ETV5: variants seen among roughly 807,000 people sequenced by gnomAD.
ETV5 encodes the protein ETS translocation variant 5.
In ETV5, 10 loss-of-function variants were observed where a neutral mutation model predicts 70.0. The ratio of observed to expected loss-of-function variants is 0.14; its 90% CI spans 0.09 to 0.24. ETV5 has a LOEUF of 0.24. Ranked by LOEUF, ETV5 falls within the 10% of genes least tolerant of loss-of-function variation. ETV5 has a pLI of 1.00. For missense variants in ETV5, 453 were observed against 651.2 expected (o/e 0.70, Z 3.31); for synonymous variants, 216 against 242.2 (o/e 0.89, Z 1.01).
At chr3:186,072,192 C>T (rs1310426314) in intron 7 of ETV5, among the ~76,000 whole-genome samples, 1 of 151,774 alleles carries the variant, frequency 6.6e-6, no homozygotes, top group African/African-American at 2.4e-5. Flanking sequence ...ACCAGCCTGG[C>T]CAACACGGTG....
chr3:186,106,020 T>A (rs972852009), intron 1 of ETV5, 78 bp from the exon 2 acceptor site: 2 of 1,057,332 alleles, frequency 1.9e-6, no homozygotes, highest in African/African-American at 1.6e-5. Context: ...GCCTTTTTTT[T>A]AGGGCCTGTG....
At chr3:186,095,164 G>A (rs2150153399) in intron 5 of ETV5, 1 of 152,300 alleles carries the variant, frequency 6.6e-6, no homozygotes, top group South Asian at 2.1e-4. Context: ...TGAGAAAGAG[G>A]TCTAAGGAAA....
At chr3:186,079,169 C>G (rs1713870080) in intron 7 of ETV5, 1 of 870,090 alleles carries the variant, frequency 1.1e-6, no homozygotes, top group East Asian at 5.3e-5. Flanking sequence ...TAGAATACCA[C>G]AGATAAAGAG....
chr3:186,066,519 AAGAG>A (rs1228595383), intron 7 of ETV5, among the ~76,000 whole-genome samples: 2 of 152,182 alleles, frequency 1.3e-5, no homozygotes, highest in Admixed American at 1.3e-4. Context: ...AAAAAGAAAA[AAGAG>A]AGAGAATCCC....
rs1712887709 is a variant in ETV5, at chr3:186,046,699, GGT to G, written c.*1938_*1939del. 1.7e-5 allele frequency: 4 copies of G among 232,112 alleles called. No homozygotes were observed. Among genetic ancestry groups the G allele is most frequent in the Non-Finnish European group, 2.6e-5 (3 of 117,566 alleles). The allele number at this position is 232,112 out of a possible 1,614,324, so 14.4% of individuals were successfully genotyped here. On this transcript the variant is annotated 3_prime_UTR_variant, in exon 13 of 13. Transcript: ENST00000306376. ...GAAAAAAAAAAAAAATCCAAACCAG[GGT>G]AAGTAAAGAAAGGAAAACCAAATCT... is the stretch of plus-strand genomic sequence containing the variant.
intron 7 of ETV5, among the ~76,000 whole-genome samples, chr3:186,077,349 G>A (rs1713820971): frequency 6.6e-6 from 1 of 152,126 alleles, no homozygotes; most frequent in Non-Finnish European, 1.5e-5. Flanking sequence ...TTAAATATGT[G>A]ATTATGAAGC....
rs201727512 is a variant in ETV5 at position 186,079,927 on chromosome 3, C to T, written c.540G>A (p.Ser180=). The change falls in exon 7 of 13, where the codon TCG becomes TCA. Residue 180 remains serine, a synonymous_variant. Transcript: ENST00000306376. ...QGVGPAPAPH[S]LPEPGPQQQT... ...GCTGCTGTGGTCCAGGCTCTGGAAGCGAATGGGGGGCGGGGGCGGGGCCCA... is the reference window on the plus strand; with the variant it reads ...GCTGCTGTGGTCCAGGCTCTGGAAGTGAATGGGGGGCGGGGGCGGGGCCCA... 485 of 1,317,392 alleles carry T rather than the reference C, an allele frequency of 3.7e-4. 2 individuals carry two copies. Among genetic ancestry groups the T allele is most frequent in the Non-Finnish European group, 4.7e-4 (462 of 984,802 alleles). 81.6% of individuals were successfully genotyped at this position (1,317,392 alleles called of 1,614,324 possible). A position where few individuals can be genotyped will look rare whatever the true frequency, so the allele number is the denominator to read the frequency against.
chr3:186,066,008 T>A lies in ETV5; in HGVS notation c.715A>T (p.Asn239Tyr). The change falls in exon 8 of 13, where the codon AAT becomes TAT. Residue 239 changes from asparagine to tyrosine, a missense_variant. Coordinates refer to ENST00000306376, the MANE Select transcript of ETV5 (RefSeq NM_004454.3). Reference sequence around the variant, plus strand: ...ATTTGCCGATGGTAACTGGGGCGATTATCTCCAGGAACTCCTGGCTGAGGA... The same window carrying A: ...ATTTGCCGATGGTAACTGGGGCGATAATCTCCAGGAACTCCTGGCTGAGGA... ...FPPQPGVPGD[N>Y]RPSYHRQMSE... 1.9e-6 allele frequency: 3 copies of A among 1,610,862 alleles called. No individual in the cohort carries two copies. The highest frequency in any genetic ancestry group is 1.7e-6 in the Non-Finnish European group (2 of 1,178,490).
intron 5 of ETV5, among the ~76,000 whole-genome samples, chr3:186,082,429 T>TC (rs1491304408): frequency 2.0e-5 from 2 of 97,650 alleles, no homozygotes; most frequent in Admixed American, 8.9e-5. Flanking sequence ...CACTTTTCTC[T>TC]TTTTTTTTTT....
At position 186,048,213 on chromosome 3, in the gene ETV5, G is replaced by T. The variant is rs1308132647; in HGVS notation, c.*426C>A. 4 of 250,246 alleles carry T rather than the reference G, an allele frequency of 1.6e-5. No homozygotes were observed. The highest frequency in any genetic ancestry group is 3.1e-5 in the Non-Finnish European group (4 of 128,140). The allele number at this position is 250,246 out of a possible 1,614,324, so 15.5% of individuals were successfully genotyped here. On this transcript the variant is annotated 3_prime_UTR_variant, in exon 13 of 13. Coordinates refer to ENST00000306376, the MANE Select transcript of ETV5 (RefSeq NM_004454.3). ...AACTTAGCCTACTTACTTTTCTATGGGTTTGTGATTTTTCAACAAATTGTG... is the reference window on the plus strand; with the variant it reads ...AACTTAGCCTACTTACTTTTCTATGTGTTTGTGATTTTTCAACAAATTGTG...
Position 186,047,558 on chromosome 3 carries a change from A to G in ETV5, c.*1081T>C. 4.3e-6 allele frequency: 1 copy of G among 232,196 alleles called. No individual in the cohort carries two copies. Among genetic ancestry groups the G allele is most frequent in the Non-Finnish European group, 8.5e-6 (1 of 117,256 alleles). 14.4% of individuals were successfully genotyped at this position (232,196 alleles called of 1,614,324 possible). A position where few individuals can be genotyped will look rare whatever the true frequency, so the allele number is the denominator to read the frequency against. On this transcript the variant is annotated 3_prime_UTR_variant, in exon 13 of 13. Coordinates refer to ENST00000306376, the MANE Select transcript of ETV5 (RefSeq NM_004454.3). ...TTAGTGAACACGGGGAACTATACAT[A>G]GAGAATCTAAGCTTGTGTCCAGGCT...
Position 186,047,513 on chromosome 3 carries a change from T to G in ETV5, c.*1126A>C. 4.3e-6 allele frequency: 1 copy of G among 232,430 alleles called. No individual in the cohort carries two copies. Among genetic ancestry groups the G allele is most frequent in the East Asian group, 6.1e-5 (1 of 16,462 alleles). The allele number at this position is 232,430 out of a possible 1,614,324, so 14.4% of individuals were successfully genotyped here. A position where few individuals can be genotyped will look rare whatever the true frequency, so the allele number is the denominator to read the frequency against. The stretch of plus-strand genomic sequence containing the variant: ...GGACATGACACATGTTATATACATA[T>G]GCTTTCCAGAGAGGGCATGTTAGTG... On this transcript the variant is annotated 3_prime_UTR_variant, in exon 13 of 13. Coordinates refer to ENST00000306376, the MANE Select transcript of ETV5 (RefSeq NM_004454.3).
At chr3:186,076,431 C>T (rs1713791197) in intron 7 of ETV5, 2 of 188,886 alleles carry the variant, frequency 1.1e-5, no homozygotes, top group Admixed American at 1.2e-4. Context: ...ATTTGGTGGT[C>T]CCCACTCCCA....
At chr3:186,092,359 A>C (rs567354440) in intron 5 of ETV5, among the ~76,000 whole-genome samples, 23 of 152,352 alleles carry the variant, frequency 1.5e-4, no homozygotes, top group African/African-American at 4.6e-4. Context: ...CTGCAAAGAC[A>C]GTGGAATTTC....
intron 11 of ETV5, among the ~76,000 whole-genome samples, chr3:186,053,069 T>TAA (rs113970573): frequency 6.9e-6 from 1 of 143,886 alleles, no homozygotes; most frequent in Non-Finnish European, 1.5e-5. Context: ...TTTGGAAACT[T>TAA]AAAAAAAAAA....
At chr3:186,067,973 G>T (rs750106473) in intron 7 of ETV5, among the ~76,000 whole-genome samples, 3 of 152,162 alleles carry the variant, frequency 2.0e-5, no homozygotes, top group African/African-American at 4.8e-5. Context: ...GACATAAACA[G>T]GAATATCCTT....
At chr3:186,096,837 G>A (rs1483359239) in intron 5 of ETV5, among the ~76,000 whole-genome samples, 1 of 152,144 alleles carries the variant, frequency 6.6e-6, no homozygotes, top group Non-Finnish European at 1.5e-5. Context: ...CACTGGACGT[G>A]TGTCTGTGAG....
chr3:186,090,895 T>C (rs1297525490), intron 5 of ETV5, among the ~76,000 whole-genome samples: 1 of 152,248 alleles, frequency 6.6e-6, no homozygotes, highest in African/African-American at 2.4e-5. Context: ...CAGCCTAGTT[T>C]ACCAGGCTAA....
At position 186,047,947 on chromosome 3, in the gene ETV5, A is replaced by C. The variant is rs562266613; in HGVS notation, c.*692T>G. ...GTTAATCGCCCTTCTCCTAAAATAA[A>C]AGTCATCCACACTCAGCCACGTGAT... is the stretch of plus-strand genomic sequence containing the variant. On this transcript the variant is annotated 3_prime_UTR_variant, in exon 13 of 13. Transcript: ENST00000306376. 8 of 233,268 alleles carry C rather than the reference A, an allele frequency of 3.4e-5. No homozygotes were observed. Among genetic ancestry groups the C allele is most frequent in the Non-Finnish European group, 5.9e-5 (7 of 117,858 alleles). The allele number at this position is 233,268 out of a possible 1,614,324, so 14.4% of individuals were successfully genotyped here.
Sources: allele counts gnomAD v4.1 joint callset (sites outside exome capture counted in the v4.1 genomes callset), GRCh38; gene constraint gnomAD v4.1.1; transcripts MANE v1.5; gene names NCBI Gene and HGNC (gene_info 2026-07-23, HGNC 2026-07-21).